CTNNA3: variants seen among roughly 807,000 people sequenced by gnomAD.
The protein encoded by CTNNA3 is catenin alpha 3.
A neutral mutation model predicts 95.7 loss-of-function variants in CTNNA3; 76 were observed. The ratio of observed to expected loss-of-function variants is 0.79; its 90% confidence interval spans 0.66 to 0.96. CTNNA3 has a LOEUF of 0.96. CTNNA3 is among the 40% of genes least tolerant of loss of function. CTNNA3 has a pLI of 0.00. For missense variants in CTNNA3, 1,191 were observed against 1,089.8 expected (o/e 1.09, Z -1.31); for synonymous variants, 431 against 374.4 (o/e 1.15, Z -1.74).
intron 7 of CTNNA3, among the ~76,000 whole-genome samples, chr10:67,006,348 T>G (rs1440070450): frequency 6.6e-6 from 1 of 152,180 alleles, no homozygotes; most frequent in Non-Finnish European, 1.5e-5. Context: ...AAATTGCTAA[T>G]AAACTTTGCA....
At chr10:66,241,360 T>A (rs2090097136) in intron 13 of CTNNA3, among the ~76,000 whole-genome samples, 1 of 152,132 alleles carries the variant, frequency 6.6e-6, no homozygotes. Flanking sequence ...TAACTCAAAA[T>A]AGAAAGTTAA....
chr10:66,183,218 T>C (rs374476653), intron 13 of CTNNA3, among the ~76,000 whole-genome samples: 1 of 152,188 alleles, frequency 6.6e-6, no homozygotes, highest in Non-Finnish European at 1.5e-5. Context: ...TGGCTCTCTA[T>C]CTCTTTTGTA....
intron 9 of CTNNA3, among the ~76,000 whole-genome samples, chr10:66,677,640 T>A (rs1264770422): frequency 1.3e-5 from 2 of 151,866 alleles, no homozygotes; most frequent in South Asian, 2.1e-4. Flanking sequence ...TAAAGGGGAG[T>A]TCCCCTACAC....
intron 7 of CTNNA3, among the ~76,000 whole-genome samples, chr10:67,132,405 C>A (rs759414168): frequency 1.3e-5 from 2 of 151,918 alleles, no homozygotes; most frequent in Non-Finnish European, 2.9e-5. Flanking sequence ...AACTATAAAA[C>A]CTGGTGTAAA....
chr10:66,549,538 C>A (rs2659987), intron 10 of CTNNA3, among the ~76,000 whole-genome samples: 151,559 of 152,226 alleles, frequency 1, 75,451 homozygotes, highest in Middle Eastern at 1. Context: ...CTTACTTGCT[C>A]ACTTACTTTC....
chr10:66,955,370 T>C (rs1225126680), intron 7 of CTNNA3, among the ~76,000 whole-genome samples: 3 of 152,198 alleles, frequency 2.0e-5, no homozygotes, highest in African/African-American at 7.2e-5. Flanking sequence ...GTAGGCACTA[T>C]AGAAATGTAT....
At chr10:66,376,281 T>C (rs1340718795) in intron 12 of CTNNA3, among the ~76,000 whole-genome samples, 1 of 152,152 alleles carries the variant, frequency 6.6e-6, no homozygotes, top group Non-Finnish European at 1.5e-5. Context: ...TTCTATATTC[T>C]CTATTAAGAA....
intron 10 of CTNNA3, among the ~76,000 whole-genome samples, chr10:66,564,363 G>T (rs1354595873): frequency 2.6e-5 from 4 of 152,138 alleles, no homozygotes; most frequent in African/African-American, 9.7e-5. Flanking sequence ...AAAGGCTTCA[G>T]TGTCATACAG....
At chr10:66,893,498 T>G (rs1437935238) in intron 7 of CTNNA3, among the ~76,000 whole-genome samples, 1 of 151,448 alleles carries the variant, frequency 6.6e-6, no homozygotes, top group Non-Finnish European at 1.5e-5. Flanking sequence ...GTACAAACTT[T>G]CTAGGGGAGA....
intron 7 of CTNNA3, among the ~76,000 whole-genome samples, chr10:67,071,265 T>A (rs1248338738): frequency 6.6e-6 from 1 of 151,638 alleles, no homozygotes. Context: ...TTCCCTTTGG[T>A]ATTCCTTTTA....
intron 13 of CTNNA3, among the ~76,000 whole-genome samples, chr10:66,159,849 C>G (rs1443036063): frequency 1.3e-5 from 2 of 151,866 alleles, no homozygotes; most frequent in African/African-American, 2.4e-5. Flanking sequence ...CTATTTCAAT[C>G]TCACTGCTTG....
chr10:66,551,021 G>T (rs728236), intron 10 of CTNNA3, among the ~76,000 whole-genome samples: 3,720 of 88,526 alleles, frequency 0.042, 92 homozygotes, highest in East Asian at 0.1. Flanking sequence ...TTTATTAAGT[G>T]AATTTAAAGA....
At chr10:67,713,011 A>T (rs1841120861) in intron 1 of CTNNA3, among the ~76,000 whole-genome samples, 1 of 152,338 alleles carries the variant, frequency 6.6e-6, no homozygotes, top group South Asian at 2.1e-4. Context: ...ACAGAATAGG[A>T]GAACATTTTT....
chr10:66,741,255 G>A (rs1849317434), intron 9 of CTNNA3, among the ~76,000 whole-genome samples: 1 of 152,116 alleles, frequency 6.6e-6, no homozygotes, highest in Non-Finnish European at 1.5e-5. Context: ...TGGATCAATG[G>A]CTAGGTGGAA....
chr10:66,043,685 C>A (rs72791496), intron 15 of CTNNA3, among the ~76,000 whole-genome samples: 9,358 of 152,220 alleles, frequency 0.061, 409 homozygotes, highest in Middle Eastern at 0.11. Flanking sequence ...AACTTGACAT[C>A]TCTCAGTATT....
chr10:67,176,523 A>G (rs1862250436), intron 7 of CTNNA3, among the ~76,000 whole-genome samples: 1 of 152,218 alleles, frequency 6.6e-6, no homozygotes, highest in Non-Finnish European at 1.5e-5. Flanking sequence ...AGGATTGATA[A>G]TGATTCCACC....
chr10:67,760,220 C>T (rs1218812722), intron 1 of CTNNA3, among the ~76,000 whole-genome samples: 1 of 151,994 alleles, frequency 6.6e-6, no homozygotes, highest in African/African-American at 2.4e-5. Flanking sequence ...GAATAAAGAA[C>T]AAAAATTACC....
chr10:66,000,796 AGAT>A (rs1161516848), intron 15 of CTNNA3, among the ~76,000 whole-genome samples: 2 of 152,186 alleles, frequency 1.3e-5, no homozygotes, highest in Admixed American at 1.3e-4. Context: ...CTTGTTTTGC[AGAT>A]GAGCAAACTG....
At chr10:66,006,274 A>G (rs2078882268) in intron 15 of CTNNA3, among the ~76,000 whole-genome samples, 2 of 151,934 alleles carry the variant, frequency 1.3e-5, no homozygotes, top group African/African-American at 4.8e-5. Context: ...CGGCCTCCCA[A>G]AGTGCTGGGA....
Sources: allele counts gnomAD v4.1 joint callset (sites outside exome capture counted in the v4.1 genomes callset), GRCh38; gene constraint gnomAD v4.1.1; transcripts MANE v1.5; gene names NCBI Gene and HGNC (gene_info 2026-07-23, HGNC 2026-07-21).